CYB561A3: variants seen among roughly 807,000 people sequenced by gnomAD.
CYB561A3 encodes the protein cytochrome b561 family member A3.
In CYB561A3, 16 loss-of-function variants were observed where a neutral mutation model predicts 25.3. The ratio of observed to expected loss-of-function variants is 0.63; its 90% CI spans 0.43 to 0.96. CYB561A3 has a LOEUF of 0.96. Among genes scored for constraint, CYB561A3 ranks in the 40% least tolerant of loss-of-function variants. The pLI is 0.00. For missense variants in CYB561A3, 219 were observed against 307.5 expected (o/e 0.71, Z 2.15); for synonymous variants, 131 against 129.9 (o/e 1.01, Z -0.06).
At chr11:61,352,074 T>A (rs1247312730) in intron 5 of CYB561A3, 1 of 152,152 alleles carries the variant, frequency 6.6e-6, no homozygotes, top group African/African-American at 2.4e-5. Context: ...CTCAAAGCAA[T>A]GAAATTAACT....
intron 2 of CYB561A3, chr11:61,357,293 C>T: frequency 6.8e-7 from 1 of 1,472,678 alleles, no homozygotes; most frequent in Non-Finnish European, 9.2e-7. Flanking sequence ...GCCTTCACTC[C>T]ACTGCCCACA....
Position 61,351,086 on chromosome 11 carries a change from C to T in CYB561A3, c.610G>A (p.Gly204Arg), listed in dbSNP as rs1431086641. 3 of 1,613,912 alleles carry T rather than the reference C, an allele frequency of 1.9e-6. No individual in the cohort carries two copies. Among genetic ancestry groups the T allele is most frequent in the Non-Finnish European group, 2.5e-6 (3 of 1,179,954 alleles). ...PSEAVFANST[G>R]MLVVAFGLLV... is the part of the protein sequence containing the mutation. ...AGCCCAAAGGCCACCACCAGCATCC[C>T]GGTGCTGTTGGCAAAGACCGCCTCA... The change falls in exon 6 of 7, where the codon GGG (glycine) becomes AGG (arginine). Residue 204 changes from glycine (G) to arginine (R), a missense_variant. By Grantham distance (125) the Gly-to-Arg change is moderately radical. Transcript: ENST00000294072.
At chr11:61,357,284 C>T (rs1294499458) in intron 2 of CYB561A3, 1 of 1,527,716 alleles carries the variant, frequency 6.5e-7, no homozygotes, top group Middle Eastern at 1.7e-4. Flanking sequence ...GGTAACCAGG[C>T]CTTCACTCCA....
At chr11:61,358,914 G>C (rs1018108175) in intron 1 of CYB561A3, 2 of 152,010 alleles carry the variant, frequency 1.3e-5, no homozygotes, top group African/African-American at 4.8e-5. Context: ...GACCCAAGTT[G>C]GCAGTAATCT....
At position 61,349,271 on chromosome 11, in the gene CYB561A3, G is replaced by A. The variant is rs1465382192; in HGVS notation, c.*1128C>T. 20 of 425,224 alleles carry A rather than the reference G, an allele frequency of 4.7e-5. No homozygotes were observed. The highest frequency in any genetic ancestry group is 2.2e-4 in the South Asian group (9 of 41,522). 26.3% of individuals were successfully genotyped at this position (425,224 alleles called of 1,614,324 possible). A position where few individuals can be genotyped will look rare whatever the true frequency, so the allele number is the denominator to read the frequency against. On this transcript the variant is annotated 3_prime_UTR_variant, in exon 7 of 7. Transcript: ENST00000294072. ...TTGGGCCAGGCAAGCAGCCATGGTG[G>A]GGCCAGGTGAAGCAATGTGGGTCTC...
chr11:61,353,274 C>T (rs1857503147), intron 4 of CYB561A3, 135 bp from the exon 5 acceptor site: 1 of 1,138,822 alleles, frequency 8.8e-7, no homozygotes, highest in Non-Finnish European at 1.2e-6. Context: ...TGGCATTGCC[C>T]ACTACCGTGC....
intron 2 of CYB561A3, 25 bp downstream of exon 2, chr11:61,357,708 G>A (rs758190258): frequency 2.2e-4 from 36 of 161,460 alleles, no homozygotes; most frequent in Non-Finnish European, 3.3e-4. Flanking sequence ...TAGCCCCCAC[G>A]GAGGTAAAAC....
chr11:61,361,352 A>C (rs1369004242), intron 1 of CYB561A3: 1 of 152,190 alleles, frequency 6.6e-6, no homozygotes, highest in East Asian at 1.9e-4. Context: ...CCTGCCAAGG[A>C]GGTAGGTGAA....
chr11:61,352,098 A>G (rs1021167361), intron 5 of CYB561A3: 1 of 152,248 alleles, frequency 6.6e-6, no homozygotes. Flanking sequence ...CCAAAGTTGC[A>G]TAACTAGTAA....
rs1473368074 is a variant in CYB561A3 at position 61,351,045 on chromosome 11, G to A, written c.651C>T (p.Ile217=). Residue 217 remains isoleucine (I), a synonymous_variant, in exon 6 of 7, where the codon ATC becomes ATT. Coordinates refer to ENST00000294072, the MANE Select transcript of CYB561A3 (RefSeq NM_153611.6). ...VVAFGLLVLY[I]LLASSWKRPE... is the part of the protein sequence containing the mutation. The stretch of plus-strand genomic sequence containing the variant: ...GGCGCTTCCAAGATGAAGCCAGAAG[G>A]ATGTAGAGCACCAGCAGCCCAAAGG... 6.2e-7 allele frequency: 1 copy of A among 1,613,936 alleles called. No homozygotes were observed. Among genetic ancestry groups the A allele is most frequent in the South Asian group, 1.1e-5 (1 of 91,072 alleles).
In CYB561A3 at chr11:61,353,609, G is replaced by A. The variant is rs11230672; in HGVS notation, c.393+175C>T. 3,365 of 785,508 alleles carry A rather than the reference G, an allele frequency of 4.3e-3. 75 individuals are homozygous for A. The African/African-American group carries it at 0.05, about 12-fold the overall frequency. 48.7% of individuals were successfully genotyped at this position (785,508 alleles called of 1,614,324 possible). A position where few individuals can be genotyped will look rare whatever the true frequency, so the allele number is the denominator to read the frequency against. On this transcript the variant is annotated intron_variant, in intron 4 of 6. Transcript: ENST00000294072. ...GGGAGGGATAAAAGGAACAGGGTAAGTTCAGGCCACTGACCTCCCACAGCC... is the reference window on the plus strand; with the variant it reads ...GGGAGGGATAAAAGGAACAGGGTAAATTCAGGCCACTGACCTCCCACAGCC...
intron 2 of CYB561A3, chr11:61,357,073 C>A: frequency 7.1e-7 from 1 of 1,411,520 alleles, no homozygotes; most frequent in South Asian, 1.2e-5. Flanking sequence ...AGAATTACCA[C>A]CCCATACCCC....
rs1471838681 is a variant in CYB561A3 at position 61,349,598 on chromosome 11, A to T, written c.*801T>A. 1.1e-5 allele frequency: 8 copies of T among 702,876 alleles called. No homozygotes were observed. In the South Asian group the frequency reaches 1.2e-4, roughly 10 times the overall value. 43.5% of individuals were successfully genotyped at this position (702,876 alleles called of 1,614,324 possible). ...GGCTGCCTGCCGGTGACAGACACGT[A>T]AGTCACAGGGAAAGGCCGGGATCCA... is the stretch of plus-strand genomic sequence containing the variant. On this transcript the variant is annotated 3_prime_UTR_variant, in exon 7 of 7. Transcript: ENST00000294072.
At chr11:61,351,284 CTTTTTT>C (rs909648792) in intron 5 of CYB561A3, 137 bp from the exon 6 acceptor site, 266 of 291,752 alleles carry the variant, frequency 9.1e-4, no homozygotes, top group Non-Finnish European at 1.0e-3. Context: ...AACACCCTTT[CTTTTTT>C]TTTTTTTTTT....
intron 2 of CYB561A3, 24 bp from the exon 3 acceptor site, chr11:61,356,752 TCTC>T (rs752606159): frequency 6.0e-5 from 96 of 1,609,048 alleles, no homozygotes; most frequent in Non-Finnish European, 7.9e-5. Context: ...AAGTCACAAA[TCTC>T]CACTGGCTCA....
chr11:61,359,946 A>C (rs530199863), intron 1 of CYB561A3: 1 of 152,520 alleles, frequency 6.6e-6, no homozygotes, highest in Admixed American at 6.5e-5. Flanking sequence ...GCTTGAACCC[A>C]GGAGGCAGAG....
Position 61,352,978 on chromosome 11 carries a change from CA to C in CYB561A3, c.548+6del. Reference sequence around the variant, plus strand: ...CACCTTAGAGTTGGGGACCCCACTGCACTCACAAACTGAAGAAAAGCTTCTC... The same window carrying C: ...CACCTTAGAGTTGGGGACCCCACTGCCTCACAAACTGAAGAAAAGCTTCTC... On this transcript the variant is annotated splice_donor_region_variant and intron_variant, in intron 5 of 6. Coordinates refer to ENST00000294072, the MANE Select transcript of CYB561A3 (RefSeq NM_153611.6). 1 of 1,614,136 alleles carries C rather than the reference CA, an allele frequency of 6.2e-7. No individual in the cohort carries two copies.
At chr11:61,355,689 GAA>G (rs1181348077) in intron 3 of CYB561A3, among the ~76,000 whole-genome samples, 2 of 111,720 alleles carry the variant, frequency 1.8e-5, no homozygotes, top group Non-Finnish European at 1.9e-5. Flanking sequence ...CTCAAAAAAA[GAA>G]AAAAAAAAAA....
intron 6 of CYB561A3, 98 bp from the exon 7 acceptor site, chr11:61,350,520 C>T: frequency 6.8e-7 from 1 of 1,468,374 alleles, no homozygotes; most frequent in Non-Finnish European, 9.3e-7. Context: ...CAGGGTGGTC[C>T]CCATCCAAGC....
Sources: allele counts gnomAD v4.1 joint callset (sites outside exome capture counted in the v4.1 genomes callset), GRCh38; gene constraint gnomAD v4.1.1; transcripts MANE v1.5; gene names NCBI Gene and HGNC (gene_info 2026-07-23, HGNC 2026-07-21).